MARCHF10: variants seen among roughly 807,000 people sequenced by gnomAD.
MARCHF10 encodes probable E3 ubiquitin-protein ligase MARCHF10.
A neutral mutation model predicts 76.2 loss-of-function variants in MARCHF10; 64 were observed. That is an observed-to-expected ratio of 0.84 (90% CI 0.69 to 1.03). The LOEUF is 1.03. Ranked by LOEUF, MARCHF10 falls within the 50% of genes least tolerant of loss-of-function variation. The pLI is 0.00. For synonymous variants in MARCHF10, 340 were observed against 357.5 expected (o/e 0.95, Z 0.55); for missense variants, 875 against 958.0 (o/e 0.91, Z 1.14).
At chr17:62,714,302 A>G in intron 8 of MARCHF10, 1 of 758,480 alleles carries the variant, frequency 1.3e-6, no homozygotes, top group Non-Finnish European at 1.6e-6. Context: ...GACTTTAGGC[A>G]GAGTTTTAAC....
intron 3 of MARCHF10, among the ~76,000 whole-genome samples, chr17:62,773,997 G>A (rs1193702218): frequency 1.3e-5 from 2 of 152,232 alleles, no homozygotes; most frequent in Non-Finnish European, 2.9e-5. Context: ...ATTATTAAGA[G>A]GGTCAAGCAC....
rs2147608011 is a variant in MARCHF10 at position 62,712,158 on chromosome 17, G to A, written c.2215-814C>T. 6.6e-6 allele frequency among the ~76,000 whole-genome samples: 1 copy of A among 152,334 alleles called. No homozygotes were observed. The highest frequency in any genetic ancestry group is 1.9e-4 in the East Asian group (1 of 5,180). ...CTCCTATCCCTCTATAGGGGAAGGAGGGGAAGGCCCTTTCAGTCCCCATCT... is the reference window on the plus strand; with the variant it reads ...CTCCTATCCCTCTATAGGGGAAGGAAGGGAAGGCCCTTTCAGTCCCCATCT... On this transcript the variant is annotated intron_variant, in intron 8 of 10. Transcript: ENST00000311269. This position sits in a 1 kb window ranked among gnomAD's most constrained non-coding sequence, Gnocchi z 4.2.
chr17:62,722,976 C>T (rs1203278902), intron 7 of MARCHF10, among the ~76,000 whole-genome samples: 2 of 150,370 alleles, frequency 1.3e-5, no homozygotes, highest in Non-Finnish European at 3.0e-5. Flanking sequence ...ATTGTAGACC[C>T]AACACAGGTC....
In MARCHF10 at chr17:62,805,801, A is replaced by G. The variant is rs560001199; in HGVS notation, c.-18+2276T>C. ...GTGGTGCACTCCTGTAGTCCCAGCT[A>G]CTTGGGAGGCTGAGACAGAAGAATC... is the stretch of plus-strand genomic sequence containing the variant. On this transcript the variant is annotated intron_variant, in intron 1 of 10. Coordinates refer to ENST00000311269, the MANE Select transcript of MARCHF10 (RefSeq NM_152598.4). Among the ~76,000 whole-genome samples, 5 of 152,176 alleles carry G rather than the reference A, an allele frequency of 3.3e-5. No individual in the cohort carries two copies. The South Asian group carries it at 1.0e-3, about 32-fold the overall frequency.
intron 4 of MARCHF10, among the ~76,000 whole-genome samples, chr17:62,751,877 G>A (rs1307551316): frequency 2.0e-5 from 3 of 151,996 alleles, no homozygotes; most frequent in African/African-American, 4.8e-5. Flanking sequence ...AAAATTAGCC[G>A]GGCATGGTGG....
intron 2 of MARCHF10, among the ~76,000 whole-genome samples, chr17:62,790,264 C>T (rs1052495987): frequency 3.3e-5 from 5 of 152,224 alleles, no homozygotes; most frequent in South Asian, 2.1e-4. Context: ...CAACCTCCAC[C>T]GCCCTGGTTC....
intron 4 of MARCHF10, among the ~76,000 whole-genome samples, chr17:62,755,325 C>T (rs2092010036): frequency 6.6e-6 from 1 of 152,060 alleles, no homozygotes; most frequent in Non-Finnish European, 1.5e-5. Context: ...GTAGGGAGCT[C>T]GTTAGGACTC....
chr17:62,759,738 T>A lies in MARCHF10; in HGVS notation c.382+97A>T. The A allele has an allele frequency of 2.3e-6, 3 of 1,277,550 alleles. No homozygotes were observed. In the East Asian group the frequency reaches 7.0e-5, roughly 30 times the overall value. 79.1% of individuals were successfully genotyped at this position (1,277,550 alleles called of 1,614,324 possible). On this transcript the variant is annotated intron_variant, in intron 4 of 10. Coordinates refer to ENST00000311269, the MANE Select transcript of MARCHF10 (RefSeq NM_152598.4). The stretch of plus-strand genomic sequence containing the variant: ...CGCCGGCCTCAGCCTCTCAAAGTGC[T>A]GGGATTACAGGCGTGAGCCACCGTG...
At chr17:62,777,389 A>G (rs2092571159) in intron 3 of MARCHF10, among the ~76,000 whole-genome samples, 3 of 152,184 alleles carry the variant, frequency 2.0e-5, no homozygotes, top group Admixed American at 1.3e-4. Context: ...AGAAGTTAAT[A>G]CCTTTTCCTA....
chr17:62,776,116 T>C (rs1431941029), intron 3 of MARCHF10, among the ~76,000 whole-genome samples: 1 of 152,180 alleles, frequency 6.6e-6, no homozygotes, highest in African/African-American at 2.4e-5. Context: ...TTTTAATAAG[T>C]ACTGTGGTTT....
intron 1 of MARCHF10, among the ~76,000 whole-genome samples, chr17:62,805,920 AT>A (rs1568238846): frequency 2.8e-4 from 42 of 150,030 alleles, no homozygotes; most frequent in African/African-American, 9.3e-4. Context: ...AAAAAAAATA[AT>A]AATAATAATA....
intron 1 of MARCHF10, among the ~76,000 whole-genome samples, chr17:62,803,812 G>T (rs527253631): frequency 2.0e-5 from 3 of 152,176 alleles, no homozygotes; most frequent in African/African-American, 7.2e-5. Context: ...TACTGCGCCC[G>T]GCCCATAGTT....
intron 7 of MARCHF10, among the ~76,000 whole-genome samples, chr17:62,723,211 C>T (rs2090577735): frequency 6.7e-6 from 1 of 150,168 alleles, no homozygotes; most frequent in African/African-American, 2.5e-5. Context: ...TCCTTTGTTG[C>T]TGTTTTTATA....
At chr17:62,800,866 A>G (rs2093059949) in intron 2 of MARCHF10, among the ~76,000 whole-genome samples, 1 of 152,184 alleles carries the variant, frequency 6.6e-6, no homozygotes, top group Admixed American at 6.5e-5. Flanking sequence ...GCACGTAAAC[A>G]CTGTAACTAG....
intron 10 of MARCHF10, among the ~76,000 whole-genome samples, chr17:62,702,538 T>C (rs1315214490): frequency 6.6e-6 from 1 of 151,826 alleles, no homozygotes; most frequent in Non-Finnish European, 1.5e-5. Context: ...TGGTGGCGGG[T>C]GTCTGTAATC....
chr17:62,776,388 G>A lies in MARCHF10; in HGVS notation c.210+12092C>T, dbSNP rs1182276425. 3.3e-5 allele frequency among the ~76,000 whole-genome samples: 5 copies of A among 152,288 alleles called. No individual in the cohort carries two copies. In the South Asian group the frequency reaches 6.2e-4, roughly 19 times the overall value. On this transcript the variant is annotated intron_variant, in intron 3 of 10. Transcript: ENST00000311269. ...GGCAGGATCACCCTCGTGCAAGGAC[G>A]AGGCTGTCTTGCCTGTGCGTTGAAA... is the stretch of plus-strand genomic sequence containing the variant.
chr17:62,779,857 G>C (rs2092624375), intron 3 of MARCHF10, among the ~76,000 whole-genome samples: 1 of 152,248 alleles, frequency 6.6e-6, no homozygotes, highest in South Asian at 2.1e-4. Context: ...AGCACTTTGG[G>C]AGGCCGAGGC....
intron 2 of MARCHF10, among the ~76,000 whole-genome samples, chr17:62,798,610 C>T (rs1038730790): frequency 9.9e-5 from 15 of 151,980 alleles, no homozygotes; most frequent in African/African-American, 1.4e-4. Context: ...AGGTGATGGT[C>T]GGGCTGAAGC....
intron 4 of MARCHF10, among the ~76,000 whole-genome samples, chr17:62,748,875 G>C (rs1048056868): frequency 1.3e-5 from 2 of 152,160 alleles, no homozygotes; most frequent in African/African-American, 4.8e-5. Context: ...TAATCTGCAG[G>C]AAGACCAAGT....
Sources: gnomAD v4.1 joint callset for allele counts (sites outside exome capture counted in the v4.1 genomes callset) on GRCh38, gnomAD v4.1.1 for gene constraint, Gnocchi (gnomAD v3.1) non-coding constraint, MANE v1.5 for transcripts, NCBI Gene and HGNC (gene_info 2026-07-23, HGNC 2026-07-21) for gene names.